The following H2BC18 variants were observed in gnomAD, a reference collection of about 807,000 sequenced individuals.
The protein encoded by H2BC18 is histone H2B type 2-F.
A neutral mutation model predicts 6.3 loss-of-function variants in H2BC18; 8 were observed. That is an observed-to-expected ratio of 1.28 (90% confidence interval 0.75 to 2.31). The LOEUF (loss-of-function observed/expected upper bound fraction) is 2.31, where lower values mean the gene tolerates loss of function less well. Ranked by LOEUF, H2BC18 falls within the 30% of genes most tolerant of loss-of-function variation. The probability of loss-of-function intolerance (pLI) is 0.00; values close to 1 mark genes in which losing one functional copy is unlikely to be tolerated. For missense variants in H2BC18, 106 were observed against 174.5 expected (o/e 0.61, Z 2.21); for synonymous variants, 104 against 78.1 (o/e 1.33, Z -1.75).
chr1:149,803,552 A>G (rs1239772536), intron 1 of H2BC18: 1 of 152,064 alleles, frequency 6.6e-6, no homozygotes, highest in South Asian at 2.1e-4. Context: ...CTGTCTCAAT[A>G]TCCAATCAAT....
At chr1:149,794,339 G>A (rs587682963) in intron 1 of H2BC18, among the ~76,000 whole-genome samples, 1 of 151,958 alleles carries the variant, frequency 6.6e-6, no homozygotes, top group Admixed American at 6.5e-5. Flanking sequence ...CAGCAAGTTG[G>A]TGGAGGAGGG....
At chr1:149,793,331 G>A (rs1417633430) in intron 1 of H2BC18, 55 of 1,147,276 alleles carry the variant, frequency 4.8e-5, no homozygotes, top group Non-Finnish European at 5.6e-5. Flanking sequence ...TTCCCTCACC[G>A]TCAAAAGCAG....
downstream of H2BC18, chr1:149,811,730 C>G (rs1463472818): frequency 1.5e-6 from 1 of 678,322 alleles, no homozygotes; most frequent in African/African-American, 1.8e-5. Flanking sequence ...TAAGACTGGA[C>G]GGGGATGACT....
chr1:149,790,373 A>G, intron 1 of H2BC18: 1 of 1,565,882 alleles, frequency 6.4e-7, no homozygotes, highest in Non-Finnish European at 8.7e-7. Flanking sequence ...CTGGCACAGA[A>G]GAAGGGACTC....
intron 1 of H2BC18, among the ~76,000 whole-genome samples, chr1:149,799,660 C>G (rs1165632961): frequency 6.6e-6 from 1 of 152,202 alleles, no homozygotes; most frequent in African/African-American, 2.4e-5. Flanking sequence ...TTTCAATTCT[C>G]CCCTCCTCTC....
At chr1:149,786,303 T>G (rs1265276284) in intron 1 of H2BC18, 8 of 152,224 alleles carry the variant, frequency 5.3e-5, no homozygotes, top group Non-Finnish European at 1.2e-4. Flanking sequence ...CTTACTGACT[T>G]ACAGGAGTTA....
At chr1:149,802,194 TCAAA>T (rs1274277365) in intron 1 of H2BC18, among the ~76,000 whole-genome samples, 5 of 151,902 alleles carry the variant, frequency 3.3e-5, no homozygotes, top group African/African-American at 1.2e-4. Context: ...AAATCAGAGG[TCAAA>T]CACTTAAAAA....
At chr1:149,788,717 G>A (rs587677758) in intron 1 of H2BC18, 9 of 1,465,216 alleles carry the variant, frequency 6.1e-6, no homozygotes, top group African/African-American at 2.8e-5. Flanking sequence ...TGAAGAAACC[G>A]GGCTCCAGAG....
chr1:149,805,361 T>C (rs2091908144), intron 1 of H2BC18: 1 of 152,194 alleles, frequency 6.6e-6, no homozygotes, highest in African/African-American at 2.4e-5. Flanking sequence ...TATCCTTCTA[T>C]GACTCATGTA....
chr1:149,790,254 G>T, intron 1 of H2BC18: 1 of 1,604,788 alleles, frequency 6.2e-7, no homozygotes, highest in East Asian at 2.2e-5. Context: ...TAGAAGAGAA[G>T]ACTCTGGGTT....
chr1:149,792,263 G>C (rs1338760587), intron 1 of H2BC18: 3 of 187,880 alleles, frequency 1.6e-5, no homozygotes, highest in Non-Finnish European at 3.3e-5. Context: ...CTCCAAGTGC[G>C]GCACTGCAAA....
chr1:149,793,474 T>A (rs612185), intron 1 of H2BC18, among the ~76,000 whole-genome samples: 2 of 152,044 alleles, frequency 1.3e-5, no homozygotes. Context: ...CTATCACGGA[T>A]GAAAAGATTA....
rs782156143 is a variant in H2BC18, at chr1:149,793,000, G to C, written c.378-9740C>G. Reference sequence around the variant, plus strand: ...GGCCCGCGGCCTCCCCAGGCGCGTAGCTGAGTCCCTCCAACCCCGCCCCGG... The same window carrying C: ...GGCCCGCGGCCTCCCCAGGCGCGTACCTGAGTCCCTCCAACCCCGCCCCGG... On this transcript the variant is annotated intron_variant, in intron 1 of 1. Transcript: ENST00000545683. 42 of 1,273,406 alleles carry C rather than the reference G, an allele frequency of 3.3e-5. No individual in the cohort carries two copies. In the South Asian group the frequency reaches 5.0e-4, roughly 15 times the overall value. 78.9% of individuals were successfully genotyped at this position (1,273,406 alleles called of 1,614,324 possible).
chr1:149,791,215 T>A, intron 1 of H2BC18: 1 of 1,583,906 alleles, frequency 6.3e-7, no homozygotes, highest in South Asian at 1.1e-5. Flanking sequence ...GTATCTCTTC[T>A]CTTTGTCTTT....
intron 1 of H2BC18, chr1:149,789,950 A>G (rs2091659928): frequency 4.4e-6 from 7 of 1,606,614 alleles, no homozygotes; most frequent in Admixed American, 1.7e-5. Flanking sequence ...TTATGGATGC[A>G]TTTTCTAGGG....
intron 1 of H2BC18, chr1:149,791,138 C>A: frequency 6.3e-7 from 1 of 1,588,274 alleles, no homozygotes; most frequent in South Asian, 1.1e-5. Flanking sequence ...TGAGGACAGG[C>A]ACATCAGGTC....
At chr1:149,788,276 G>A in intron 1 of H2BC18, 2 of 1,609,234 alleles carry the variant, frequency 1.2e-6, no homozygotes, top group South Asian at 1.1e-5. Flanking sequence ...GATGTTGCAA[G>A]GAGAAAAAAT....
downstream of H2BC18, among the ~76,000 whole-genome samples, chr1:149,808,613 A>G (rs1181929421): frequency 2.6e-5 from 4 of 152,238 alleles, no homozygotes; most frequent in Admixed American, 2.6e-4. Context: ...CAAAAATTTT[A>G]TGTTCAACAT....
chr1:149,788,581 C>A (rs782122885), intron 1 of H2BC18: 2 of 1,613,842 alleles, frequency 1.2e-6, no homozygotes, highest in African/African-American at 2.7e-5. Flanking sequence ...GGGAAAGCAT[C>A]GCTACACATC....
Sources: gnomAD v4.1 joint callset for allele counts (sites outside exome capture counted in the v4.1 genomes callset) on GRCh38, gnomAD v4.1.1 for gene constraint, MANE v1.5 for transcripts, NCBI Gene and HGNC (gene_info 2026-07-23, HGNC 2026-07-21) for gene names.